The following MS4A4E variants were observed in gnomAD, a reference collection of about 807,000 sequenced individuals.
MS4A4E encodes putative membrane-spanning 4-domains subfamily A member 4E.
Under a neutral mutation model 13.3 loss-of-function variants are expected in MS4A4E, and 23 were observed. The observed-to-expected ratio is 1.73, with a 90% CI of 1.25 to 2.45. MS4A4E has a LOEUF of 2.45. Among genes scored for constraint, MS4A4E ranks in the 30% most tolerant of loss-of-function variants. The pLI is 0.00. For missense variants in MS4A4E, 144 were observed against 131.2 expected, an observed-to-expected ratio of 1.10 and a Z score of -0.48; for synonymous variants, 36 against 45.6, an observed-to-expected ratio of 0.79 and a Z score of 0.85.
At chr11:60,229,787 T>C in intron 2 of MS4A4E, 125 bp downstream of exon 2, 1 of 895,574 alleles carries the variant, frequency 1.1e-6, no homozygotes, top group Non-Finnish European at 1.6e-6. Context: ...TGAAATTAAA[T>C]TCTGATGTTA....
rs1427031955 is a variant in MS4A4E at position 60,201,618 on chromosome 11, C to T, written c.921G>A (p.Lys307=). ...GGTGGCCGGGAAGAGGCGCTCCCCA[C>T]TTCCTAGATGGGATGGCAGCCGGGC... ...RLCPAAIPSR[K]WGAPLPGHHP... The change falls in exon 9 of 9, where the codon AAG becomes AAA. Residue 307 remains lysine, a synonymous_variant. Coordinates refer to ENST00000651255, the MANE Select transcript of MS4A4E (RefSeq NM_001393391.1). 2 of 320,862 alleles carry T rather than the reference C, an allele frequency of 6.2e-6. No individual in the cohort carries two copies. The highest frequency in any genetic ancestry group is 1.2e-5 in the Non-Finnish European group (2 of 160,360). 19.9% of individuals were successfully genotyped at this position (320,862 alleles called of 1,614,324 possible). A position where few individuals can be genotyped will look rare whatever the true frequency, so the allele number is the denominator to read the frequency against.
intron 3 of MS4A4E, among the ~76,000 whole-genome samples, chr11:60,226,306 CA>C (rs555570587): frequency 1.1e-3 from 166 of 146,190 alleles, no homozygotes; most frequent in Non-Finnish European, 1.7e-3. Context: ...TATTATCTAC[CA>C]AAAAAAAAAG....
chr11:60,233,266 G>C (rs1161983535), intron 1 of MS4A4E, among the ~76,000 whole-genome samples: 1 of 152,052 alleles, frequency 6.6e-6, no homozygotes, highest in Non-Finnish European at 1.5e-5. Context: ...CCATTCCCCA[G>C]GGTTGGAATT....
At chr11:60,242,596 A>G (rs1433621220) in intron 1 of MS4A4E, among the ~76,000 whole-genome samples, 1 of 152,224 alleles carries the variant, frequency 6.6e-6, no homozygotes, top group African/African-American at 2.4e-5. Flanking sequence ...CCATGGAAGA[A>G]GTGCATTAAC....
intron 4 of MS4A4E, chr11:60,213,370 G>A (rs2084149624): frequency 6.9e-7 from 1 of 1,440,162 alleles, no homozygotes; most frequent in Admixed American, 2.0e-5. Context: ...TCATTTATCA[G>A]GGTTTTCAAT....
At chr11:60,241,913 C>G (rs191948695) in intron 1 of MS4A4E, among the ~76,000 whole-genome samples, 8 of 152,278 alleles carry the variant, frequency 5.3e-5, no homozygotes, top group African/African-American at 1.9e-4. Flanking sequence ...CCTAGACCAC[C>G]CTTCCCTCTT....
intron 7 of MS4A4E, among the ~76,000 whole-genome samples, chr11:60,205,473 T>C (rs893695078): frequency 5.3e-5 from 8 of 152,242 alleles, no homozygotes; most frequent in African/African-American, 1.7e-4. Flanking sequence ...TATGTATATG[T>C]ATTAATTAAA....
chr11:60,220,727 G>T (rs1014532811), intron 3 of MS4A4E, among the ~76,000 whole-genome samples: 1 of 152,198 alleles, frequency 6.6e-6, no homozygotes, highest in African/African-American at 2.4e-5. Flanking sequence ...TGTGGGGCCT[G>T]TCAAGATGTT....
intron 6 of MS4A4E, among the ~76,000 whole-genome samples, chr11:60,206,498 T>TATATAC (rs756371500): frequency 2.9e-5 from 3 of 104,034 alleles, no homozygotes; most frequent in African/African-American, 1.3e-4. Flanking sequence ...TGTATATATA[T>TATATAC]ACGTATATAT....
At chr11:60,226,403 C>T (rs2134956584) in intron 3 of MS4A4E, among the ~76,000 whole-genome samples, 1 of 151,974 alleles carries the variant, frequency 6.6e-6, no homozygotes, top group Admixed American at 6.5e-5. Flanking sequence ...CATGTGCAAA[C>T]TAAATCTAAT....
chr11:60,232,321 A>ACACACACACC (rs556719466), intron 1 of MS4A4E, among the ~76,000 whole-genome samples: 1,908 of 147,346 alleles, frequency 0.013, 34 homozygotes, highest in African/African-American at 0.037. Context: ...ACACACACAC[A>ACACACACACC]CCAAAAATGA....
At chr11:60,229,482 G>T (rs1460644865) in intron 2 of MS4A4E, among the ~76,000 whole-genome samples, 1 of 152,002 alleles carries the variant, frequency 6.6e-6, no homozygotes. Flanking sequence ...GACTCCAGAA[G>T]GAAATGCTCA....
chr11:60,229,977 T>C lies in MS4A4E; in HGVS notation c.79A>G (p.Ile27Val), dbSNP rs559816432. The C allele has an allele frequency of 2.5e-6, 4 of 1,613,838 alleles. No homozygotes were observed. The highest frequency in any genetic ancestry group is 1.7e-5 in the Admixed American group (1 of 59,986). ...AATCCTTTACACAGATATGAATGTA[T>C]GACATCTATGTTTCCCAGCTGGGGC... is the stretch of plus-strand genomic sequence containing the variant. Reference protein sequence around the residue: ...DVPQLGNIDVIHSYLCKGLQE... With the variant: ...DVPQLGNIDVVHSYLCKGLQE... The change falls in exon 2 of 9, where the codon ATA (isoleucine) becomes GTA (valine). Residue 27 changes from isoleucine to valine, a missense_variant. Transcript: ENST00000651255.
chr11:60,215,963 A>G (rs2084186677), intron 3 of MS4A4E, among the ~76,000 whole-genome samples: 1 of 152,190 alleles, frequency 6.6e-6, no homozygotes, highest in Non-Finnish European at 1.5e-5. Flanking sequence ...AAAAATATGT[A>G]TATGGTATCT....
intron 3 of MS4A4E, among the ~76,000 whole-genome samples, chr11:60,218,742 G>T (rs981018799): frequency 6.6e-6 from 1 of 152,148 alleles, no homozygotes; most frequent in African/African-American, 2.4e-5. Context: ...TAGAGGTGAG[G>T]TTCAGAATGC....
At chr11:60,215,737 C>T (rs1014913225) in intron 3 of MS4A4E, among the ~76,000 whole-genome samples, 4 of 151,778 alleles carry the variant, frequency 2.6e-5, no homozygotes, top group African/African-American at 9.7e-5. Flanking sequence ...ATAGTTGAAA[C>T]AAATGGCTAA....
intron 1 of MS4A4E, among the ~76,000 whole-genome samples, chr11:60,236,440 T>C (rs2084483430): frequency 6.7e-6 from 1 of 150,300 alleles, no homozygotes; most frequent in South Asian, 2.1e-4. Flanking sequence ...GAATATGAGT[T>C]TTTTTTCATT....
chr11:60,218,049 C>A (rs766851511), intron 3 of MS4A4E, among the ~76,000 whole-genome samples: 1 of 152,170 alleles, frequency 6.6e-6, no homozygotes, highest in African/African-American at 2.4e-5. Flanking sequence ...CAAGGAACAT[C>A]CCTGGGAAAG....
chr11:60,240,539 A>G (rs958126458), intron 1 of MS4A4E, among the ~76,000 whole-genome samples: 4 of 152,184 alleles, frequency 2.6e-5, no homozygotes, highest in African/African-American at 9.7e-5. Flanking sequence ...TTTAGTATAA[A>G]GATAAAAATT....
Sources: gnomAD v4.1 joint callset for allele counts (sites outside exome capture counted in the v4.1 genomes callset) on GRCh38, gnomAD v4.1.1 for gene constraint, MANE v1.5 for transcripts, NCBI Gene and HGNC (gene_info 2026-07-23, HGNC 2026-07-21) for gene names.